The following GPD1L variants were observed in gnomAD, a reference collection of about 807,000 sequenced individuals.
The protein encoded by GPD1L is glycerol-3-phosphate dehydrogenase 1 like.
A neutral mutation model predicts 32.9 loss-of-function variants in GPD1L; 17 were observed. That is an observed-to-expected ratio of 0.52 (90% CI 0.35 to 0.78). GPD1L has a LOEUF of 0.78. Ranked by LOEUF, GPD1L falls within the 30% of genes least tolerant of loss-of-function variation. The pLI, the probability that GPD1L is intolerant of heterozygous loss-of-function variation, is 0.01. For synonymous variants in GPD1L, 187 were observed against 165.9 expected (o/e 1.13, Z -0.98); for missense variants, 361 against 447.8 (o/e 0.81, Z 1.75).
intron 2 of GPD1L, among the ~76,000 whole-genome samples, chr3:32,138,248 TG>T (rs1700692862): frequency 6.6e-6 from 1 of 152,010 alleles, no homozygotes. Flanking sequence ...GAGAACAGAA[TG>T]GGGCAGAGAA....
intron 1 of GPD1L, among the ~76,000 whole-genome samples, chr3:32,126,147 A>G (rs1032799113): frequency 2.0e-5 from 3 of 152,172 alleles, no homozygotes; most frequent in Admixed American, 1.3e-4. Flanking sequence ...GTGAATTGTG[A>G]CTGTGCCACT....
rs775043567 is a variant in GPD1L, at chr3:32,140,277, G to A, written c.416G>A (p.Arg139His). The A allele has an allele frequency of 1.9e-5, 31 of 1,613,878 alleles. No homozygotes were observed. Among genetic ancestry groups the A allele is most frequent in the East Asian group, 4.5e-5 (2 of 44,882 alleles). Residue 139 changes from arginine to histidine, a missense_variant, in exon 4 of 8, where the codon CGT (arginine) becomes CAT (histidine). Transcript: ENST00000282541. ...CTGAAGCTCATTTCTGACATCATCC[G>A]TGAGAAGATGGGTATTGACATCAGT... is the stretch of plus-strand genomic sequence containing the variant. ...EGLKLISDII[R>H]EKMGIDISVL...
At chr3:32,138,928 C>G (rs769167911) in intron 3 of GPD1L, among the ~76,000 whole-genome samples, 6 of 152,094 alleles carry the variant, frequency 3.9e-5, no homozygotes, top group Non-Finnish European at 7.3e-5. Context: ...TCCATTGCAG[C>G]AGACTAGCAG....
chr3:32,127,894 G>T (rs907494127), intron 1 of GPD1L, among the ~76,000 whole-genome samples, 182 bp from the exon 2 acceptor site: 1 of 152,058 alleles, frequency 6.6e-6, no homozygotes, highest in East Asian at 1.9e-4. Context: ...AGTCACAGGC[G>T]GTGGTATTCC....
At chr3:32,155,734 T>C (rs893628693) in intron 5 of GPD1L, among the ~76,000 whole-genome samples, 32 of 152,158 alleles carry the variant, frequency 2.1e-4, no homozygotes, top group African/African-American at 7.7e-4. Context: ...GCAGCCCCAG[T>C]GCAGGCTACA....
At chr3:32,110,563 A>G (rs999308078) in intron 1 of GPD1L, among the ~76,000 whole-genome samples, 2 of 152,274 alleles carry the variant, frequency 1.3e-5, no homozygotes, top group Non-Finnish European at 2.9e-5. Context: ...AGAATATTGA[A>G]TCTAGCTGGC....
chr3:32,153,464 T>C (rs1700947594), intron 5 of GPD1L, among the ~76,000 whole-genome samples: 1 of 152,236 alleles, frequency 6.6e-6, no homozygotes, highest in Non-Finnish European at 1.5e-5. Flanking sequence ...AAACTTCTAT[T>C]GGACAACGCT....
intron 1 of GPD1L, among the ~76,000 whole-genome samples, chr3:32,124,789 C>T (rs868142091): frequency 3.3e-5 from 5 of 151,960 alleles, no homozygotes; most frequent in East Asian, 3.9e-4. Context: ...ATTAGCTGGG[C>T]GTGGTGGCAC....
chr3:32,149,981 A>G (rs1700888963), intron 5 of GPD1L, among the ~76,000 whole-genome samples: 2 of 152,106 alleles, frequency 1.3e-5, no homozygotes, highest in African/African-American at 4.8e-5. Flanking sequence ...CATGTAATCA[A>G]ACTGCATCTA....
At chr3:32,163,026 T>TG (rs34711724) in intron 7 of GPD1L, among the ~76,000 whole-genome samples, 60,150 of 151,840 alleles carry the variant, frequency 0.4, 13,038 homozygotes, top group East Asian at 0.6. Context: ...CCCAAAGTGC[T>TG]GGATTACAGG....
intron 7 of GPD1L, among the ~76,000 whole-genome samples, chr3:32,164,139 T>G (rs573660164): frequency 6.6e-6 from 1 of 152,270 alleles, no homozygotes; most frequent in South Asian, 2.1e-4. Flanking sequence ...GGTGAAAGGC[T>G]AGGAAGGTGA....
chr3:32,121,615 CTATA>C (rs1243019541), intron 1 of GPD1L, among the ~76,000 whole-genome samples: 1 of 74,210 alleles, frequency 1.3e-5, no homozygotes, highest in African/African-American at 6.9e-5. Flanking sequence ...ATATATATTT[CTATA>C]TATATTATAT....
In GPD1L at chr3:32,167,959, C is replaced by G. The variant is rs1701172173; in HGVS notation, c.*2049C>G. ...AAAAATCTTTGTTAAAGTTTGTACA[C>G]AGGTAACAAAAAGTTACTTTAAAAG... On this transcript the variant is annotated 3_prime_UTR_variant, in exon 8 of 8. Transcript: ENST00000282541. 1 of 152,132 alleles carries G rather than the reference C, an allele frequency of 6.6e-6. No individual in the cohort carries two copies. Among genetic ancestry groups the G allele is most frequent in the Non-Finnish European group, 1.5e-5 (1 of 68,036 alleles). 9.4% of individuals were successfully genotyped at this position (152,132 alleles called of 1,614,324 possible).
intron 1 of GPD1L, among the ~76,000 whole-genome samples, chr3:32,114,932 G>C (rs59325372): frequency 2.0e-5 from 3 of 152,114 alleles, no homozygotes; most frequent in African/African-American, 7.2e-5. Flanking sequence ...GAGTGAAGCC[G>C]CAGACCTCTG....
intron 1 of GPD1L, among the ~76,000 whole-genome samples, chr3:32,114,290 T>G (rs1559568040): frequency 1.3e-5 from 2 of 152,330 alleles, no homozygotes; most frequent in East Asian, 3.9e-4. Context: ...ATATGGTGGT[T>G]GGGTTCTAAC....
At chr3:32,165,773 C>G in intron 7 of GPD1L, 41 bp from the exon 8 acceptor site, 1 of 1,017,826 alleles carries the variant, frequency 9.8e-7, no homozygotes, top group Non-Finnish European at 1.6e-6. Flanking sequence ...GAGGTAAATC[C>G]AGTGGCCTAA....
At chr3:32,124,186 C>T (rs1173125274) in intron 1 of GPD1L, among the ~76,000 whole-genome samples, 1 of 152,154 alleles carries the variant, frequency 6.6e-6, no homozygotes, top group Non-Finnish European at 1.5e-5. Context: ...CTGCCTCAGC[C>T]TCTTGAGTAG....
chr3:32,127,580 G>A (rs1700528227), intron 1 of GPD1L, among the ~76,000 whole-genome samples: 1 of 152,236 alleles, frequency 6.6e-6, no homozygotes, highest in African/African-American at 2.4e-5. Context: ...TGGTTGCAGG[G>A]CGGAGGGAGT....
At position 32,159,609 on chromosome 3, in the gene GPD1L, G is replaced by T; in HGVS notation, c.894G>T (p.Lys298Asn). 6.2e-7 allele frequency: 1 copy of T among 1,613,034 alleles called. No individual in the cohort carries two copies. ...AGAAGGAGATGCTGAATGGGCAAAAGCTCCAAGGACCGCAGACTTCTGCTG... is the reference window on the plus strand; with the variant it reads ...AGAAGGAGATGCTGAATGGGCAAAATCTCCAAGGACCGCAGACTTCTGCTG... ...ELEKEMLNGQ[K>N]LQGPQTSAEV... Residue 298 changes from lysine (K) to asparagine (N), a missense_variant, in exon 7 of 8, where the codon AAG becomes AAT. Transcript: ENST00000282541.
Sources: allele counts gnomAD v4.1 joint callset (sites outside exome capture counted in the v4.1 genomes callset), GRCh38; gene constraint gnomAD v4.1.1; transcripts MANE v1.5; gene names NCBI Gene and HGNC (gene_info 2026-07-23, HGNC 2026-07-21).